The following SAMD12 variants were observed in gnomAD, a reference collection of about 807,000 sequenced individuals.
The protein encoded by SAMD12 is sterile alpha motif domain containing 12.
Under a neutral mutation model 15.0 loss-of-function variants are expected in SAMD12, and 9 were observed. The ratio of observed to expected loss-of-function variants is 0.60; its 90% CI spans 0.36 to 1.05. SAMD12 has a LOEUF of 1.05. Among genes scored for constraint, SAMD12 ranks in the 50% least tolerant of loss-of-function variants. The pLI is 0.01. For missense variants in SAMD12, 230 were observed against 234.2 expected (o/e 0.98, Z 0.12); for synonymous variants, 86 against 90.1 (o/e 0.96, Z 0.25).
intron 1 of SAMD12, among the ~76,000 whole-genome samples, chr8:118,597,143 T>C (rs1227924194): frequency 6.6e-6 from 1 of 152,086 alleles, no homozygotes; most frequent in Non-Finnish European, 1.5e-5. Context: ...AGGCTCCAGA[T>C]CTGTAGGAGC....
In SAMD12 at chr8:118,359,328, G is replaced by A. The variant is rs150455665; in HGVS notation, c.433+20232C>T. On this transcript the variant is annotated intron_variant, in intron 4 of 4. Transcript: ENST00000409003. ...AGAAGAAACCAATGCTGCCAACGCC[G>A]TGACCTTGGACTTCTAGCCTCCAGG... 7.6e-4 allele frequency among the ~76,000 whole-genome samples: 115 copies of A among 152,222 alleles called. 1 individual carries two copies. The highest frequency in any genetic ancestry group is 2.7e-3 in the African/African-American group (113 of 41,540).
chr8:118,176,514 C>A, the SAMD12 span, among the ~76,000 whole-genome samples: 1 of 152,076 alleles, frequency 6.6e-6, no homozygotes, highest in African/African-American at 2.4e-5. Flanking sequence ...GCCTTTGCAG[C>A]AACATGCATG....
intron 2 of SAMD12, among the ~76,000 whole-genome samples, chr8:118,458,853 T>C (rs1435814190): frequency 4.6e-5 from 7 of 152,174 alleles, no homozygotes; most frequent in African/African-American, 1.2e-4. Context: ...AGTGACCATA[T>C]AAAAAGTTGA....
chr8:118,598,669 C>T (rs570969650), intron 1 of SAMD12, among the ~76,000 whole-genome samples: 1 of 152,326 alleles, frequency 6.6e-6, no homozygotes, highest in Non-Finnish European at 1.5e-5. Flanking sequence ...TCTCAACAAT[C>T]CTTCTGGGTG....
chr8:118,421,523 T>C (rs796660812), intron 3 of SAMD12, among the ~76,000 whole-genome samples: 6 of 152,334 alleles, frequency 3.9e-5, no homozygotes, highest in African/African-American at 1.4e-4. Context: ...CCAAAATCTA[T>C]TAATAGCATT....
intron 4 of SAMD12, among the ~76,000 whole-genome samples, chr8:118,340,371 G>A (rs1586561564): frequency 6.6e-6 from 1 of 152,102 alleles, no homozygotes; most frequent in African/African-American, 2.4e-5. Context: ...AGTATTTCAA[G>A]TAGACATTTT....
At chr8:118,482,153 T>C (rs1824144005) in intron 2 of SAMD12, among the ~76,000 whole-genome samples, 1 of 152,218 alleles carries the variant, frequency 6.6e-6, no homozygotes. Context: ...TCTTTTTAAT[T>C]CAATAGGTGC....
intron 2 of SAMD12, among the ~76,000 whole-genome samples, chr8:118,459,402 C>A (rs898759010): frequency 6.6e-6 from 1 of 152,136 alleles, no homozygotes; most frequent in African/African-American, 2.4e-5. Context: ...ATTAACTTTG[C>A]AGTTCCTATT....
At chr8:118,542,925 C>T (rs935629575) in intron 2 of SAMD12, among the ~76,000 whole-genome samples, 3 of 150,260 alleles carry the variant, frequency 2.0e-5, no homozygotes, top group South Asian at 2.1e-4. Context: ...CATCTTTGCA[C>T]TACAGTAGTA....
chr8:118,235,825 T>G (rs1812417409), intron 4 of SAMD12, among the ~76,000 whole-genome samples: 1 of 152,178 alleles, frequency 6.6e-6, no homozygotes, highest in Admixed American at 6.5e-5. Context: ...TCTTTATTCT[T>G]CATAAGAATG....
intron 4 of SAMD12, among the ~76,000 whole-genome samples, chr8:118,254,880 C>T (rs547827065): frequency 3.3e-4 from 50 of 152,090 alleles, no homozygotes; most frequent in African/African-American, 1.1e-3. Flanking sequence ...TCCCTAAAAC[C>T]AATGCCTCCT....
At chr8:118,234,470 G>T (rs1264585535) in intron 4 of SAMD12, among the ~76,000 whole-genome samples, 1 of 152,018 alleles carries the variant, frequency 6.6e-6, no homozygotes, top group Non-Finnish European at 1.5e-5. Context: ...TTCACTTTGG[G>T]AGGCTAAGGT....
At chr8:118,150,558 G>A in the SAMD12 span, among the ~76,000 whole-genome samples, 3 of 152,046 alleles carry the variant, frequency 2.0e-5, no homozygotes, top group East Asian at 5.8e-4. Context: ...TTGTAGAGAT[G>A]GGCTCTTGCT....
chr8:118,262,031 T>C (rs1327633438), intron 4 of SAMD12, among the ~76,000 whole-genome samples: 1 of 151,980 alleles, frequency 6.6e-6, no homozygotes, highest in African/African-American at 2.4e-5. Flanking sequence ...TGCAACAACA[T>C]GAACAAATCT....
the SAMD12 span, among the ~76,000 whole-genome samples, chr8:118,182,244 C>G: frequency 4.8e-3 from 730 of 152,254 alleles, 8 homozygotes; most frequent in African/African-American, 0.017. Context: ...ACTTTTTCAC[C>G]CCCATCATCA....
Position 118,402,569 on chromosome 8 carries a change from T to C in SAMD12, c.323-22869A>G, listed in dbSNP as rs980078161. On this transcript the variant is annotated intron_variant, in intron 3 of 3. Coordinates refer to ENST00000314727, the MANE Select transcript of SAMD12 (RefSeq NM_207506.3). ...TCAAAGACTGAAGGCTGTTATTGTG[T>C]GGATAACACCCCAACCTTTTATCTA... Among the ~76,000 whole-genome samples, 7 of 152,224 alleles carry C rather than the reference T, an allele frequency of 4.6e-5. No individual in the cohort carries two copies. In the East Asian group the frequency reaches 1.2e-3, roughly 25 times the overall value.
chr8:118,419,054 G>A (rs545002911), intron 3 of SAMD12, among the ~76,000 whole-genome samples: 20 of 152,028 alleles, frequency 1.3e-4, no homozygotes, highest in Non-Finnish European at 2.2e-4. Flanking sequence ...GGTTCTCCTA[G>A]GACAATCTCA....
rs143864242 is a variant in SAMD12 at position 118,580,691 on chromosome 8, G to A, written c.192+24C>T. 340 of 1,582,304 alleles carry A rather than the reference G, an allele frequency of 2.1e-4. 3 individuals are homozygous for A. The East Asian group carries it at 4.6e-3, about 22-fold the overall frequency. ...TAAAGGCTGCAGCTTTCAAATCTCC[G>A]TAATTAACTGGAATATTACGCACCT... On this transcript the variant is annotated intron_variant, in intron 2 of 3. Coordinates refer to ENST00000314727, the MANE Select transcript of SAMD12 (RefSeq NM_207506.3).
intron 3 of SAMD12, among the ~76,000 whole-genome samples, chr8:118,404,144 A>G (rs1357441402): frequency 6.6e-6 from 1 of 152,154 alleles, no homozygotes; most frequent in Non-Finnish European, 1.5e-5. Flanking sequence ...CACAATGCCC[A>G]GCTAAGTTTT....
Sources: allele counts gnomAD v4.1 joint callset (sites outside exome capture counted in the v4.1 genomes callset), GRCh38; gene constraint gnomAD v4.1.1; transcripts MANE v1.5; gene names NCBI Gene and HGNC (gene_info 2026-07-23, HGNC 2026-07-21).